Variants in THRB observed in about 807,000 individuals in gnomAD.
THRB encodes the protein thyroid hormone receptor beta.
A neutral mutation model predicts 47.8 loss-of-function variants in THRB; 12 were observed. The ratio of observed to expected loss-of-function variants is 0.25; its 90% confidence interval spans 0.16 to 0.41. The LOEUF (loss-of-function observed/expected upper bound fraction) is 0.41. THRB is among the 10% of genes least tolerant of loss of function. The probability of loss-of-function intolerance (pLI) is 1.00; values close to 1 mark genes in which losing one functional copy is unlikely to be tolerated. For missense variants in THRB, 348 were observed against 589.2 expected (o/e 0.59, Z 4.24); for synonymous variants, 218 against 212.2 (o/e 1.03, Z -0.24).
intron 3 of THRB, among the ~76,000 whole-genome samples, chr3:24,266,339 G>A (rs1030160150): frequency 2.0e-5 from 3 of 152,128 alleles, no homozygotes; most frequent in Non-Finnish European, 2.9e-5. Flanking sequence ...GGGCTGTGGC[G>A]GTGTGGCTCC....
At chr3:24,302,398 G>C (rs1050337751) in intron 2 of THRB, among the ~76,000 whole-genome samples, 1 of 152,074 alleles carries the variant, frequency 6.6e-6, no homozygotes, top group Non-Finnish European at 1.5e-5. Context: ...ATCATTTCTT[G>C]TTGTATCTTA....
At chr3:24,200,019 G>T (rs12631325) in intron 4 of THRB, among the ~76,000 whole-genome samples, 214 of 152,130 alleles carry the variant, frequency 1.4e-3, no homozygotes, top group Non-Finnish European at 2.2e-3. Context: ...AATTCATACC[G>T]GATTTAATCA....
At chr3:24,127,213 G>A (rs763124444) in intron 10 of THRB, among the ~76,000 whole-genome samples, 1 of 152,202 alleles carries the variant, frequency 6.6e-6, no homozygotes, top group Non-Finnish European at 1.5e-5. Context: ...TTTGGCCAAA[G>A]ACTACGAAGA....
At chr3:24,347,858 G>A (rs73041659) in intron 1 of THRB, among the ~76,000 whole-genome samples, 4,013 of 152,076 alleles carry the variant, frequency 0.026, 72 homozygotes, top group African/African-American at 0.045. Context: ...AGTATTCTCT[G>A]GGCCTAAACT....
At chr3:24,197,330 G>A (rs1249226413) in intron 4 of THRB, among the ~76,000 whole-genome samples, 3 of 152,230 alleles carry the variant, frequency 2.0e-5, no homozygotes, top group Non-Finnish European at 2.9e-5. Context: ...GGAAAAGATA[G>A]TGGGTAAGAA....
intron 1 of THRB, among the ~76,000 whole-genome samples, chr3:24,382,191 AT>A (rs1446105953): frequency 6.6e-6 from 1 of 152,164 alleles, no homozygotes; most frequent in Non-Finnish European, 1.5e-5. Context: ...GGACCTTCAG[AT>A]ACAAAATTAA....
chr3:24,153,626 C>T (rs969737513), intron 5 of THRB, among the ~76,000 whole-genome samples: 1 of 152,154 alleles, frequency 6.6e-6, no homozygotes, highest in Non-Finnish European at 1.5e-5. Flanking sequence ...TGTCTTTGCT[C>T]CTTCAGCTTC....
At chr3:24,250,629 C>T (rs1292807287) in intron 3 of THRB, among the ~76,000 whole-genome samples, 1 of 152,022 alleles carries the variant, frequency 6.6e-6, no homozygotes, top group Non-Finnish European at 1.5e-5. Context: ...TGAGCCTTGG[C>T]GTTTGAGGCT....
intron 4 of THRB, among the ~76,000 whole-genome samples, chr3:24,220,384 G>A (rs931194848): frequency 7.2e-5 from 11 of 152,120 alleles, no homozygotes; most frequent in East Asian, 1.9e-4. Context: ...CCAGCTACTC[G>A]GGAGGCTGAG....
At chr3:24,417,136 ACACG>A (rs1560136951) in intron 1 of THRB, among the ~76,000 whole-genome samples, 6 of 151,126 alleles carry the variant, frequency 4.0e-5, no homozygotes, top group South Asian at 4.2e-4. Flanking sequence ...ACACACACAC[ACACG>A]CGCAACGCGT....
At chr3:24,176,437 T>C (rs1375093287) in intron 5 of THRB, among the ~76,000 whole-genome samples, 3 of 152,128 alleles carry the variant, frequency 2.0e-5, no homozygotes, top group Non-Finnish European at 2.9e-5. Context: ...TCCCTAATAA[T>C]AGGAATAATG....
chr3:24,158,822 C>T (rs544078894), intron 5 of THRB, among the ~76,000 whole-genome samples: 3 of 148,514 alleles, frequency 2.0e-5, no homozygotes, highest in Non-Finnish European at 3.0e-5. Context: ...AATTAAGCAG[C>T]CATTGTAAGA....
intron 3 of THRB, among the ~76,000 whole-genome samples, chr3:24,268,376 G>A (rs556467291): frequency 6.6e-6 from 1 of 152,160 alleles, no homozygotes; most frequent in South Asian, 2.1e-4. Flanking sequence ...AGTGCAGCGA[G>A]GTGGGAAGAA....
At chr3:24,321,119 T>C (rs1292773617) in intron 2 of THRB, among the ~76,000 whole-genome samples, 1 of 152,152 alleles carries the variant, frequency 6.6e-6, no homozygotes, top group Non-Finnish European at 1.5e-5. Context: ...TATTCTAAAG[T>C]CCATGAACCT....
At chr3:24,248,980 G>A (rs2050387817) in intron 3 of THRB, among the ~76,000 whole-genome samples, 1 of 152,136 alleles carries the variant, frequency 6.6e-6, no homozygotes, top group Non-Finnish European at 1.5e-5. Context: ...AAATCCTTCT[G>A]TTTGAATTAC....
At chr3:24,175,983 G>A (rs1261785229) in intron 5 of THRB, among the ~76,000 whole-genome samples, 6 of 152,002 alleles carry the variant, frequency 3.9e-5, no homozygotes, top group Non-Finnish European at 5.9e-5. Context: ...TTTTCTAAGT[G>A]GAAAATTATT....
chr3:24,495,332 C>T (rs1382728266), upstream of THRB: 1 of 153,804 alleles, frequency 6.5e-6, no homozygotes, highest in Non-Finnish European at 1.5e-5. Context: ...GCCACCGCCC[C>T]GGGCTGCCCA....
intron 1 of THRB, among the ~76,000 whole-genome samples, chr3:24,385,922 G>A (rs2066065131): frequency 6.6e-6 from 1 of 152,102 alleles, no homozygotes; most frequent in South Asian, 2.1e-4. Flanking sequence ...ACAGACCATA[G>A]CCACAGTGGC....
At chr3:24,362,485 C>T (rs934371658) in intron 1 of THRB, among the ~76,000 whole-genome samples, 2 of 152,126 alleles carry the variant, frequency 1.3e-5, no homozygotes, top group Non-Finnish European at 2.9e-5. Flanking sequence ...TTCCCCATTC[C>T]TACATTCCCC....
Sources: allele counts gnomAD v4.1 joint callset (sites outside exome capture counted in the v4.1 genomes callset), GRCh38; gene constraint gnomAD v4.1.1; transcripts MANE v1.5; gene names NCBI Gene and HGNC (gene_info 2026-07-23, HGNC 2026-07-21).